TEX11: variants seen among roughly 807,000 people sequenced by gnomAD.
TEX11 encodes testis-expressed protein 11.
Under a neutral mutation model 84.4 loss-of-function variants are expected in TEX11, and 7 were observed. That is an observed-to-expected ratio of 0.08 (90% CI 0.05 to 0.16). The LOEUF (loss-of-function observed/expected upper bound fraction) is 0.16. TEX11 is among the 10% of genes least tolerant of loss of function. The pLI is 1.00. For missense variants in TEX11, 551 were observed against 660.5 expected (o/e 0.83, Z 1.82); for synonymous variants, 264 against 222.8 (o/e 1.18, Z -1.64).
At chrX:70,831,123 C>T (rs192876592) in intron 8 of TEX11, among the ~76,000 whole-genome samples, 1 of 111,592 alleles carries the variant, frequency 9.0e-6, no homozygotes, top group Non-Finnish European at 1.9e-5. Flanking sequence ...GAATACTATT[C>T]AGCCATAAAA....
At chrX:70,612,622 A>T (rs1302315214) in intron 20 of TEX11, among the ~76,000 whole-genome samples, 1 of 111,494 alleles carries the variant, frequency 9.0e-6, no homozygotes, top group African/African-American at 3.3e-5. Flanking sequence ...GAAACCTCCC[A>T]AACTGAAAAG....
At chrX:70,803,628 T>A (rs1366650957) in intron 9 of TEX11, among the ~76,000 whole-genome samples, 1 of 112,203 alleles carries the variant, frequency 8.9e-6, no homozygotes, top group African/African-American at 3.2e-5. Flanking sequence ...AGGTTTTTAC[T>A]TTTAGACTGA....
chrX:70,662,000 G>A (rs1035442836), intron 16 of TEX11, among the ~76,000 whole-genome samples: 2 of 112,180 alleles, frequency 1.8e-5, no homozygotes, highest in Non-Finnish European at 3.8e-5. Context: ...CATCAGCAAC[G>A]GAACAAAGCT....
At position 70,671,880 on chromosome X, in the gene TEX11, G is replaced by GATAT. The variant is rs67645855; in HGVS notation, c.1243-1370_1243-1367dup. Among the ~76,000 whole-genome samples, 87 of 66,317 alleles carry GATAT rather than the reference G, an allele frequency of 1.3e-3. 2 individuals carry two copies. Among genetic ancestry groups the GATAT allele is most frequent in the East Asian group, 0.011 (16 of 1,497 alleles). 57.6% of individuals were successfully genotyped at this position (66,317 alleles called of 115,157 possible). A position where few individuals can be genotyped will look rare whatever the true frequency, so the allele number is the denominator to read the frequency against. On this transcript the variant is annotated intron_variant, in intron 15 of 29. Transcript: ENST00000374333. ...AATATTTAAACTGTACAATTGTTTT[G>GATAT]ATATATATATATATATATATATATA...
At chrX:70,637,757 G>C (rs954310161) in intron 17 of TEX11, among the ~76,000 whole-genome samples, 6 of 110,303 alleles carry the variant, frequency 5.4e-5, no homozygotes, top group Admixed American at 1.9e-4. Flanking sequence ...ACTGGGGCTT[G>C]CTGGAGGGTG....
intron 24 of TEX11, among the ~76,000 whole-genome samples, chrX:70,603,835 G>T (rs957748271): frequency 1.8e-5 from 2 of 109,357 alleles, no homozygotes; most frequent in Non-Finnish European, 3.8e-5. Context: ...GAATCTACAA[G>T]GAACTCCAAC....
intron 20 of TEX11, among the ~76,000 whole-genome samples, chrX:70,621,609 A>G (rs2089396067): frequency 1.1e-5 from 1 of 92,637 alleles, no homozygotes; most frequent in Admixed American, 1.2e-4. Context: ...CTTAAAAAAT[A>G]AAATGAAATA....
At position 70,876,908 on chromosome X, in the gene TEX11, AAAAC is replaced by A. The variant is rs767494813; in HGVS notation, c.159+3076_159+3079del. On this transcript the variant is annotated intron_variant, in intron 3 of 29. Coordinates refer to ENST00000374333, the MANE Select transcript of TEX11 (RefSeq NM_031276.3). ...ACTCCAAACCAAGACACTGTCTCAA[AAAAC>A]AAACAAACAAACAAACAAACCCAAA... Among the ~76,000 whole-genome samples, 708 of 110,430 alleles carry A rather than the reference AAAAC, an allele frequency of 6.4e-3. 6 individuals are homozygous for A. The highest frequency in any genetic ancestry group is 0.02 in the African/African-American group (628 of 30,639).
At position 70,833,568 on chromosome X, in the gene TEX11, C is replaced by G; in HGVS notation, c.551G>C (p.Arg184Thr). 3 of 1,202,646 alleles carry G rather than the reference C, an allele frequency of 2.5e-6. No individual in the cohort carries two copies. The highest frequency in any genetic ancestry group is 3.4e-6 in the Non-Finnish European group (3 of 891,636). Residue 184 changes from arginine to threonine, a missense_variant, in exon 8 of 30, where the codon AGA (arginine) becomes ACA (threonine). Coordinates refer to ENST00000374333, the MANE Select transcript of TEX11 (RefSeq NM_031276.3). Reference sequence around the variant, plus strand: ...ACATTGCAGTACACACATAGATGCTCTTTGAAAATCCCCTTGAGCAACTGC... The same window carrying G: ...ACATTGCAGTACACACATAGATGCTGTTTGAAAATCCCCTTGAGCAACTGC... ...ESAVAQGDFQ[R>T]ASMCVLQCKD... is the part of the protein sequence containing the mutation.
chrX:70,636,973 A>G, intron 17 of TEX11, among the ~76,000 whole-genome samples: 1 of 112,067 alleles, frequency 8.9e-6, no homozygotes, highest in Non-Finnish European at 1.9e-5. Flanking sequence ...CAAATAAATT[A>G]TAGAATGGGA....
At chrX:70,809,834 T>A (rs980207633) in intron 8 of TEX11, among the ~76,000 whole-genome samples, 4 of 111,106 alleles carry the variant, frequency 3.6e-5, no homozygotes, top group African/African-American at 1.3e-4. Flanking sequence ...ATAGCCAAAA[T>A]TACAGGCACC....
chrX:70,712,024 C>T (rs2090440269), intron 13 of TEX11, among the ~76,000 whole-genome samples: 1 of 111,582 alleles, frequency 9.0e-6, no homozygotes, highest in Non-Finnish European at 1.9e-5. Flanking sequence ...CCAGTTTTCC[C>T]AGCACCATTT....
In TEX11 at chrX:70,853,336, A is replaced by G. The variant is rs753548695; in HGVS notation, c.325-8T>C. The G allele has an allele frequency of 5.3e-5, 61 of 1,151,526 alleles. No homozygotes were observed. Among genetic ancestry groups the G allele is most frequent in the Non-Finnish European group, 6.7e-5 (57 of 849,794 alleles). 94.9% of individuals were successfully genotyped at this position (1,151,526 alleles called of 1,213,427 possible). ...TCCTATTCTCATATTCATCTAGAAG[A>G]GAGAAATTAGAAAATAATTTTTAAA... On this transcript the variant is annotated splice_region_variant and splice_polypyrimidine_tract_variant and intron_variant, in intron 5 of 29. Transcript: ENST00000374333.
intron 25 of TEX11, among the ~76,000 whole-genome samples, chrX:70,560,125 A>AT (rs773438236): frequency 6.2e-4 from 63 of 102,144 alleles, no homozygotes; most frequent in African/African-American, 1.7e-3. Flanking sequence ...CCATTTATAC[A>AT]TTTTTTTTGG....
chrX:70,521,786 C>T, the TEX11 span, among the ~76,000 whole-genome samples: 1 of 111,372 alleles, frequency 9.0e-6, no homozygotes, highest in Admixed American at 9.6e-5. Context: ...TTTAAGAGGG[C>T]AGACTTCAAA....
intron 28 of TEX11, among the ~76,000 whole-genome samples, chrX:70,531,429 G>A (rs2087887373): frequency 1.8e-5 from 2 of 112,019 alleles, no homozygotes; most frequent in South Asian, 7.5e-4. Flanking sequence ...GGAGCCCCTT[G>A]AAGGTAAAAT....
chrX:70,743,557 G>A (rs1173886791), intron 10 of TEX11, among the ~76,000 whole-genome samples: 1 of 111,238 alleles, frequency 9.0e-6, no homozygotes, highest in African/African-American at 3.3e-5. Flanking sequence ...GGAAAAATCT[G>A]CAACTTCAAA....
intron 5 of TEX11, among the ~76,000 whole-genome samples, chrX:70,859,731 T>TTA (rs2147857666): frequency 9.0e-6 from 1 of 111,274 alleles, no homozygotes; most frequent in African/African-American, 3.3e-5. Flanking sequence ...AATTAATCTT[T>TTA]TAGGCCAGGC....
At chrX:70,737,100 G>C (rs745445052) in intron 11 of TEX11, among the ~76,000 whole-genome samples, 4 of 111,415 alleles carry the variant, frequency 3.6e-5, no homozygotes, top group African/African-American at 9.8e-5. Context: ...CATTAAAAGA[G>C]TAAGTATAAC....
Sources: gnomAD v4.1 joint callset for allele counts (sites outside exome capture counted in the v4.1 genomes callset) on GRCh38, gnomAD v4.1.1 for gene constraint, MANE v1.5 for transcripts, NCBI Gene and HGNC (gene_info 2026-07-23, HGNC 2026-07-21) for gene names.